Variants in HGD observed in about 807,000 individuals in gnomAD.
HGD encodes the protein homogentisate 1,2-dioxygenase, also known as homogentisate oxidase.
A neutral mutation model predicts 60.8 loss-of-function variants in HGD; 61 were observed. That is an observed-to-expected ratio of 1.00 (90% CI 0.82 to 1.24). HGD has a LOEUF of 1.24. HGD is among the 50% of genes most tolerant of loss of function. The pLI is 0.00. For synonymous variants in HGD, 212 were observed against 187.7 expected (o/e 1.13, Z -1.06); for missense variants, 542 against 547.1 (o/e 0.99, Z 0.09).
rs370453859 is a variant in HGD, at chr3:120,675,847, C to T, written c.32G>A (p.Gly11Glu). The T allele has an allele frequency of 1.2e-6, 2 of 1,613,290 alleles. No individual in the cohort carries two copies. The highest frequency in any genetic ancestry group is 1.7e-6 in the Non-Finnish European group (2 of 1,179,458). MAELKYISGFGNECSSEDPRC... is the reference protein window; with the variant it reads MAELKYISGFENECSSEDPRC... The stretch of plus-strand genomic sequence containing the variant: ...AGGATCCTCTGAAGAACACTCATTC[C>T]CAAATCCAGAAATGTACTGTAGGTG... Residue 11 changes from glycine (G) to glutamate (E), a missense_variant, in exon 2 of 14, where the codon GGG becomes GAG. Gly to Glu is a moderately conservative substitution (Grantham distance 98, BLOSUM62 -2). Around this residue, in one of 2 missense-constraint regions of HGD, gnomAD observed 537 missense variants for 529.1 expected, o/e 1.01. Coordinates refer to ENST00000283871, the MANE Select transcript of HGD (RefSeq NM_000187.4).
chr3:120,652,782 G>A (rs1360546840), intron 4 of HGD, 131 bp from the exon 5 acceptor site: 6 of 672,580 alleles, frequency 8.9e-6, no homozygotes, highest in African/African-American at 3.6e-5. Flanking sequence ...TTGTGATTTT[G>A]TTATATTAAA....
At chr3:120,667,965 G>A (rs572474856) in intron 4 of HGD, among the ~76,000 whole-genome samples, 48 of 152,276 alleles carry the variant, frequency 3.2e-4, no homozygotes, top group African/African-American at 7.9e-4. Flanking sequence ...GGTTGTGCAA[G>A]CTGTGCCCTG....
intron 4 of HGD, among the ~76,000 whole-genome samples, chr3:120,660,423 T>A (rs995177605): frequency 1.3e-5 from 2 of 152,188 alleles, no homozygotes; most frequent in Non-Finnish European, 2.9e-5. Flanking sequence ...AAAGGTAGCA[T>A]GAATTATGTG....
chr3:120,633,631 A>C, intron 12 of HGD: 1 of 1,322,034 alleles, frequency 7.6e-7, no homozygotes, highest in Non-Finnish European at 9.9e-7. Flanking sequence ...TAATAATTAA[A>C]ATGCTAGTCA....
intron 12 of HGD, among the ~76,000 whole-genome samples, chr3:120,634,409 T>TA (rs1199416419): frequency 6.6e-6 from 1 of 152,158 alleles, no homozygotes; most frequent in Non-Finnish European, 1.5e-5. Flanking sequence ...TGGGCAAATT[T>TA]AAGTGCCTTT....
intron 4 of HGD, among the ~76,000 whole-genome samples, chr3:120,669,446 TGC>T (rs1707975726): frequency 9.8e-6 from 1 of 101,888 alleles, no homozygotes; most frequent in African/African-American, 3.6e-5. Flanking sequence ...TGTGCGCATG[TGC>T]ACACACACAC....
intron 4 of HGD, among the ~76,000 whole-genome samples, chr3:120,656,495 G>T (rs1048888393): frequency 6.6e-6 from 1 of 151,816 alleles, no homozygotes; most frequent in South Asian, 2.1e-4. Flanking sequence ...CTGAATAGAT[G>T]AATAAATCTA....
At chr3:120,633,064 T>C (rs943657987) in intron 13 of HGD, 83 bp downstream of exon 13, 4 of 1,243,866 alleles carry the variant, frequency 3.2e-6, no homozygotes, top group Non-Finnish European at 4.7e-6. Context: ...CTCTGTGACT[T>C]TGGAGAAATG....
chr3:120,630,156 T>C (rs1259771195), intron 13 of HGD, among the ~76,000 whole-genome samples: 1 of 152,164 alleles, frequency 6.6e-6, no homozygotes, highest in Non-Finnish European at 1.5e-5. Flanking sequence ...CTTTCCATGC[T>C]CATGGGTAGG....
At chr3:120,642,877 C>T (rs899233089) in intron 10 of HGD, among the ~76,000 whole-genome samples, 1 of 152,166 alleles carries the variant, frequency 6.6e-6, no homozygotes, top group Non-Finnish European at 1.5e-5. Context: ...ATACAGTCAA[C>T]CTTCCAGGGC....
chr3:120,655,906 A>C (rs1941482019), intron 4 of HGD, among the ~76,000 whole-genome samples: 1 of 152,246 alleles, frequency 6.6e-6, no homozygotes, highest in Admixed American at 6.5e-5. Context: ...TCTCCAGAGG[A>C]GAAACTCTGA....
chr3:120,666,904 G>A (rs1359471343), intron 4 of HGD, among the ~76,000 whole-genome samples: 1 of 152,164 alleles, frequency 6.6e-6, no homozygotes, highest in African/African-American at 2.4e-5. Context: ...AACTATTTAT[G>A]AAATAATGAA....
chr3:120,675,066 G>C, intron 2 of HGD, 77 bp from the exon 3 acceptor site: 1 of 930,696 alleles, frequency 1.1e-6, no homozygotes, highest in African/African-American at 1.6e-5. Flanking sequence ...AACTCAGTAG[G>C]GGGATGGGGA....
intron 3 of HGD, among the ~76,000 whole-genome samples, chr3:120,670,797 T>C (rs1708010089): frequency 6.6e-6 from 1 of 152,106 alleles, no homozygotes; most frequent in Admixed American, 6.6e-5. Flanking sequence ...TGCCAAAAAA[T>C]GAAGAATTGT....
intron 4 of HGD, among the ~76,000 whole-genome samples, chr3:120,661,046 A>C (rs1707751944): frequency 6.6e-6 from 1 of 152,228 alleles, no homozygotes; most frequent in African/African-American, 2.4e-5. Flanking sequence ...TATTATTATC[A>C]TCTCTATTTT....
chr3:120,628,634 A>T, intron 13 of HGD, 105 bp from the exon 14 acceptor site: 1 of 1,313,620 alleles, frequency 7.6e-7, no homozygotes, highest in East Asian at 2.3e-5. Context: ...TCTTCCAATA[A>T]CAAATCAAAG....
At chr3:120,641,540 C>T (rs1191178237) in intron 11 of HGD, 49 bp downstream of exon 11, 2 of 1,149,170 alleles carry the variant, frequency 1.7e-6, no homozygotes, top group East Asian at 4.7e-5. Context: ...TGGACCCCTC[C>T]CACCCAAGCG....
chr3:120,682,035 T>G, intron 1 of HGD, 62 bp downstream of exon 1: 1 of 1,517,434 alleles, frequency 6.6e-7, no homozygotes. Flanking sequence ...CCTGAAGTTC[T>G]CAGAAACTTC....
At chr3:120,647,223 A>T (rs1014097608) in intron 7 of HGD, among the ~76,000 whole-genome samples, 171 bp from the exon 8 acceptor site, 2 of 152,344 alleles carry the variant, frequency 1.3e-5, no homozygotes, top group Middle Eastern at 3.4e-3. Context: ...CTATTTTCCT[A>T]TCTAGAAGAA....
Sources: gnomAD v4.1 joint callset for allele counts (sites outside exome capture counted in the v4.1 genomes callset) on GRCh38, gnomAD v4.1.1 for gene constraint, gnomAD v4.1.1 regional missense constraint, MANE v1.5 for transcripts, NCBI Gene and HGNC (gene_info 2026-07-23, HGNC 2026-07-21) for gene names.